The following POU3F3 variants were observed in gnomAD, a reference collection of about 807,000 sequenced individuals.
POU3F3 encodes the protein POU class 3 homeobox 3, also known as POU domain, class 3, transcription factor 3.
A neutral mutation model predicts 8.6 loss-of-function variants in POU3F3; 1 was observed. The observed-to-expected ratio is 0.12, with a 90% CI of 0.04 to 0.55. The LOEUF (loss-of-function observed/expected upper bound fraction) is 0.55, where lower values mean the gene tolerates loss of function less well. Ranked by LOEUF, POU3F3 falls within the 20% of genes least tolerant of loss-of-function variation. The pLI is 0.91. For synonymous variants in POU3F3, 418 were observed against 327.4 expected, an observed-to-expected ratio of 1.28 and a Z score of -2.99; for missense variants, 577 against 690.7, an observed-to-expected ratio of 0.84 and a Z score of 1.84.
At chr2:104,920,079 A>G in the POU3F3 span, among the ~76,000 whole-genome samples, 5 of 152,226 alleles carry the variant, frequency 3.3e-5, no homozygotes, top group Admixed American at 1.3e-4. Context: ...CACTGGCGCA[A>G]TCTCAGCCCA....
the POU3F3 span, among the ~76,000 whole-genome samples, chr2:104,869,213 T>C: frequency 6.6e-6 from 1 of 152,238 alleles, no homozygotes. Flanking sequence ...AGTTTAAAGC[T>C]GTAATATTTC....
chr2:104,877,277 C>T, the POU3F3 span, among the ~76,000 whole-genome samples: 1 of 88,360 alleles, frequency 1.1e-5, no homozygotes. Context: ...TAAGTATAAG[C>T]ATCTCTCTTT....
the POU3F3 span, among the ~76,000 whole-genome samples, chr2:104,870,667 C>T: frequency 1.4e-4 from 21 of 152,224 alleles, no homozygotes; most frequent in Non-Finnish European, 1.2e-4. Flanking sequence ...CCTAGCCTGC[C>T]TGCTTCATGG....
At chr2:104,919,557 A>G in the POU3F3 span, among the ~76,000 whole-genome samples, 1 of 152,202 alleles carries the variant, frequency 6.6e-6, no homozygotes, top group Non-Finnish European at 1.5e-5. Flanking sequence ...ATGTACAAGT[A>G]ACTTCAGCCA....
At chr2:104,913,662 G>A in the POU3F3 span, among the ~76,000 whole-genome samples, 18 of 152,208 alleles carry the variant, frequency 1.2e-4, no homozygotes, top group South Asian at 6.2e-4. Context: ...CCAAGGCCCA[G>A]ACAAGAGCTA....
the POU3F3 span, among the ~76,000 whole-genome samples, chr2:104,879,412 A>G: frequency 6.6e-6 from 1 of 152,160 alleles, no homozygotes; most frequent in Non-Finnish European, 1.5e-5. Context: ...GGGAGGGTAC[A>G]TGGAGAGGGA....
chr2:104,873,453 G>T, the POU3F3 span, among the ~76,000 whole-genome samples: 10 of 152,010 alleles, frequency 6.6e-5, no homozygotes, highest in East Asian at 2.0e-4. Flanking sequence ...GCCCTGGGCC[G>T]GCCCGACCCG....
the POU3F3 span, among the ~76,000 whole-genome samples, chr2:104,899,344 G>A: frequency 1.3e-5 from 2 of 152,182 alleles, no homozygotes; most frequent in Non-Finnish European, 1.5e-5. Flanking sequence ...TCCCCTTTCC[G>A]GTAAAGCAGA....
the POU3F3 span, among the ~76,000 whole-genome samples, chr2:104,913,764 A>G: frequency 6.6e-6 from 1 of 152,250 alleles, no homozygotes; most frequent in Non-Finnish European, 1.5e-5. Context: ...CTGAACGTAG[A>G]GCCTGATACA....
chr2:104,913,286 C>T, the POU3F3 span, among the ~76,000 whole-genome samples: 1 of 152,086 alleles, frequency 6.6e-6, no homozygotes, highest in African/African-American at 2.4e-5. Context: ...TTTTGTATCC[C>T]AGGGTACCAT....
At chr2:104,900,599 CATA>C in the POU3F3 span, among the ~76,000 whole-genome samples, 1 of 152,332 alleles carries the variant, frequency 6.6e-6, no homozygotes, top group African/African-American at 2.4e-5. Context: ...GTCGTCTTTT[CATA>C]ATGTTTATGG....
chr2:104,898,546 A>T, the POU3F3 span, among the ~76,000 whole-genome samples: 1 of 152,380 alleles, frequency 6.6e-6, no homozygotes, highest in Admixed American at 6.5e-5. Context: ...ATTTGGTACT[A>T]GAGTTTCTAT....
chr2:104,867,337 A>T, the POU3F3 span: 1 of 152,288 alleles, frequency 6.6e-6, no homozygotes, highest in African/African-American at 2.4e-5. This position sits in a 1 kb window ranked among gnomAD's most constrained non-coding sequence, Gnocchi z 5.0. Context: ...GAGGGAACCG[A>T]GGGGCCCGGG....
chr2:104,861,889 T>C (rs11687658), downstream of POU3F3, among the ~76,000 whole-genome samples: 102,502 of 152,050 alleles, frequency 0.67, 34,964 homozygotes, highest in East Asian at 0.9. Flanking sequence ...TGCAGGATCC[T>C]CACGGTAGGC....
the POU3F3 span, among the ~76,000 whole-genome samples, chr2:104,924,712 C>A: frequency 6.6e-6 from 1 of 152,158 alleles, no homozygotes; most frequent in East Asian, 1.9e-4. Flanking sequence ...TCTATTCATC[C>A]TCTCTTTTTC....
the POU3F3 span, among the ~76,000 whole-genome samples, chr2:104,888,142 A>T: frequency 1.3e-5 from 2 of 152,246 alleles, no homozygotes; most frequent in East Asian, 1.9e-4. Context: ...GACATCTTTC[A>T]TCTGAAAAAC....
the POU3F3 span, among the ~76,000 whole-genome samples, chr2:104,886,631 G>A: frequency 2.0e-5 from 3 of 152,206 alleles, no homozygotes; most frequent in African/African-American, 7.2e-5. Context: ...GAACAGGCCA[G>A]GCGTGGTGGC....
chr2:104,890,060 G>A, the POU3F3 span, among the ~76,000 whole-genome samples: 1 of 152,136 alleles, frequency 6.6e-6, no homozygotes, highest in Non-Finnish European at 1.5e-5. Flanking sequence ...AACCTTTGGT[G>A]TCTTACTGTG....
At chr2:104,860,010 G>A (rs1156302536), downstream of POU3F3, among the ~76,000 whole-genome samples, 1 of 152,150 alleles carries the variant, frequency 6.6e-6, no homozygotes, top group East Asian at 1.9e-4. Context: ...TGGCACGTGA[G>A]ATGGAATCTT....
Sources: gnomAD v4.1 joint callset for allele counts (sites outside exome capture counted in the v4.1 genomes callset) on GRCh38, gnomAD v4.1.1 for gene constraint, Gnocchi (gnomAD v3.1) non-coding constraint, MANE v1.5 for transcripts, NCBI Gene and HGNC (gene_info 2026-07-23, HGNC 2026-07-21) for gene names.